TXNDC16: variants seen among roughly 807,000 people sequenced by gnomAD.
The protein encoded by TXNDC16 is thioredoxin domain containing 16, also known as thioredoxin domain-containing protein 16.
Under a neutral mutation model 85.6 loss-of-function variants are expected in TXNDC16, and 74 were observed. That is an observed-to-expected ratio of 0.86 (90% CI 0.72 to 1.05). The LOEUF (loss-of-function observed/expected upper bound fraction) is 1.05, where lower values mean the gene tolerates loss of function less well. TXNDC16 is among the 50% of genes least tolerant of loss of function. TXNDC16 has a pLI of 0.00. For synonymous variants in TXNDC16, 335 were observed against 326.5 expected (o/e 1.03, Z -0.28); for missense variants, 959 against 947.0 (o/e 1.01, Z -0.17).
intron 11 of TXNDC16, among the ~76,000 whole-genome samples, 153 bp downstream of exon 11, chr14:52,490,238 G>A (rs1301265560): frequency 1.3e-5 from 2 of 152,110 alleles, no homozygotes; most frequent in Non-Finnish European, 2.9e-5. Flanking sequence ...ACTGACACAT[G>A]ATAAAAACAT....
At chr14:52,452,650 C>T (rs1394617981) in intron 18 of TXNDC16, among the ~76,000 whole-genome samples, 9 of 152,118 alleles carry the variant, frequency 5.9e-5, no homozygotes, top group Non-Finnish European at 1.5e-5. Context: ...AAACTAGGCC[C>T]CTATCTCTCA....
intron 6 of TXNDC16, among the ~76,000 whole-genome samples, chr14:52,531,945 T>G (rs1392551796): frequency 6.6e-6 from 1 of 152,124 alleles, no homozygotes; most frequent in African/African-American, 2.4e-5. Flanking sequence ...TTTCTGTAAA[T>G]TTTTCAAGTT....
chr14:52,471,322 C>T (rs921247296), intron 14 of TXNDC16, among the ~76,000 whole-genome samples: 4 of 152,166 alleles, frequency 2.6e-5, no homozygotes, highest in African/African-American at 7.2e-5. Context: ...CTCAAGTTGT[C>T]GTTCCTCCTG....
chr14:52,492,848 T>C (rs142418516), intron 9 of TXNDC16, among the ~76,000 whole-genome samples: 3 of 152,290 alleles, frequency 2.0e-5, no homozygotes, highest in Non-Finnish European at 4.4e-5. Context: ...GAGTCAGTAC[T>C]ATTTTGGCCA....
chr14:52,460,972 C>T (rs577917524), intron 16 of TXNDC16, among the ~76,000 whole-genome samples: 2 of 151,648 alleles, frequency 1.3e-5, no homozygotes, highest in Non-Finnish European at 2.9e-5. Context: ...TTTAATCACA[C>T]AAGATTTTAA....
chr14:52,488,569 C>T lies in TXNDC16; in HGVS notation c.985-83G>A, dbSNP rs553991185. On this transcript the variant is annotated intron_variant, in intron 11 of 20. Transcript: ENST00000281741. ...GTTTTACTTGGGCCAGGTGTGGTGG[C>T]TCACACCTGTAATCCCAGCACTTTG... The T allele has an allele frequency of 1.3e-3, 1,477 of 1,139,164 alleles. 9 individuals are homozygous for T. The highest frequency in any genetic ancestry group is 1.4e-3 in the Middle Eastern group (5 of 3,508). The allele number at this position is 1,139,164 out of a possible 1,614,324, so 70.6% of individuals were successfully genotyped here.
chr14:52,545,713 A>C lies in TXNDC16; in HGVS notation c.-181-1342T>G, dbSNP rs79383550. Among the ~76,000 whole-genome samples the C allele has an allele frequency of 9.2e-3, 1,399 of 152,318 alleles. 20 individuals carry two copies. The highest frequency in any genetic ancestry group is 0.032 in the African/African-American group (1,340 of 41,556). Reference sequence around the variant, plus strand: ...GCCAAAACAAACAGTGAGCAGTTGAAAGTAATTGGCTCTAAGGAAGAAGAA... The same window carrying C: ...GCCAAAACAAACAGTGAGCAGTTGACAGTAATTGGCTCTAAGGAAGAAGAA... On this transcript the variant is annotated intron_variant, in intron 1 of 20. Transcript: ENST00000281741.
chr14:52,442,736 T>C (rs570768087), intron 18 of TXNDC16, among the ~76,000 whole-genome samples: 1 of 152,216 alleles, frequency 6.6e-6, no homozygotes, highest in South Asian at 2.1e-4. Flanking sequence ...CTCCTAAATA[T>C]TGACAGATCT....
chr14:52,512,030 G>C (rs74050256), intron 8 of TXNDC16, among the ~76,000 whole-genome samples: 14,701 of 152,120 alleles, frequency 0.097, 828 homozygotes, highest in East Asian at 0.18. Context: ...TATCCATATG[G>C]CATTAGTAGG....
At chr14:52,523,132 G>A (rs1343603623) in intron 6 of TXNDC16, among the ~76,000 whole-genome samples, 1 of 152,124 alleles carries the variant, frequency 6.6e-6, no homozygotes, top group Non-Finnish European at 1.5e-5. Flanking sequence ...CAGTTCCAAA[G>A]AGGAGAAATA....
intron 14 of TXNDC16, among the ~76,000 whole-genome samples, chr14:52,474,056 G>T (rs2035966524): frequency 6.6e-6 from 1 of 152,134 alleles, no homozygotes; most frequent in African/African-American, 2.4e-5. Context: ...TATTCATAAA[G>T]AACATAGTGA....
chr14:52,548,652 C>T (rs891780673), intron 1 of TXNDC16, among the ~76,000 whole-genome samples: 5 of 152,138 alleles, frequency 3.3e-5, no homozygotes, highest in Admixed American at 6.5e-5. Context: ...GAGGCCGAGA[C>T]GGGTGGATCA....
At chr14:52,549,602 T>A (rs973937764) in intron 1 of TXNDC16, among the ~76,000 whole-genome samples, 1 of 151,776 alleles carries the variant, frequency 6.6e-6, no homozygotes, top group African/African-American at 2.4e-5. Flanking sequence ...GGGTACTGTA[T>A]GCAATAGTAA....
intron 9 of TXNDC16, among the ~76,000 whole-genome samples, chr14:52,493,441 C>T (rs2036460222): frequency 1.3e-5 from 2 of 151,710 alleles, no homozygotes; most frequent in South Asian, 4.2e-4. Context: ...CAGAAACCAC[C>T]ATAGACAACC....
At chr14:52,529,243 C>T (rs1594755833) in intron 6 of TXNDC16, among the ~76,000 whole-genome samples, 2 of 149,058 alleles carry the variant, frequency 1.3e-5, no homozygotes, top group South Asian at 2.1e-4. Context: ...AACCAAACAC[C>T]GCATGTTCTC....
chr14:52,455,073 A>T (rs1199885650), intron 18 of TXNDC16, among the ~76,000 whole-genome samples: 1 of 152,168 alleles, frequency 6.6e-6, no homozygotes, highest in Non-Finnish European at 1.5e-5. Context: ...AACAAGTTTC[A>T]CCCTGGATTA....
chr14:52,476,526 A>AT (rs1326266936), intron 14 of TXNDC16, among the ~76,000 whole-genome samples: 7 of 152,150 alleles, frequency 4.6e-5, no homozygotes, highest in Admixed American at 4.6e-4. Context: ...AGACGCACTT[A>AT]TAGAAATGCA....
chr14:52,502,644 T>C (rs2036686057), intron 9 of TXNDC16, among the ~76,000 whole-genome samples: 1 of 151,612 alleles, frequency 6.6e-6, no homozygotes, highest in Non-Finnish European at 1.5e-5. Flanking sequence ...GCTCCCAGAG[T>C]GAGCGAGGCA....
At chr14:52,499,065 G>A (rs1231716759) in intron 9 of TXNDC16, among the ~76,000 whole-genome samples, 1 of 152,052 alleles carries the variant, frequency 6.6e-6, no homozygotes, top group Non-Finnish European at 1.5e-5. Context: ...AAACCACTCA[G>A]TAAAGAAAGG....
Sources: gnomAD v4.1 joint callset for allele counts (sites outside exome capture counted in the v4.1 genomes callset) on GRCh38, gnomAD v4.1.1 for gene constraint, MANE v1.5 for transcripts, NCBI Gene and HGNC (gene_info 2026-07-23, HGNC 2026-07-21) for gene names.